Variants in TRDN observed in about 807,000 individuals in gnomAD.
TRDN encodes the protein triadin, also known as triadin in skeletal muscle.
In TRDN, 161 loss-of-function variants were observed where a neutral mutation model predicts 149.7. That is an observed-to-expected ratio of 1.08 (90% CI 0.95 to 1.23). The LOEUF (loss-of-function observed/expected upper bound fraction) is 1.23. TRDN is among the 50% of genes most tolerant of loss of function. The probability of loss-of-function intolerance (pLI) is 0.00; values close to 1 mark genes in which losing one functional copy is unlikely to be tolerated. For synonymous variants in TRDN, 294 were observed against 250.5 expected (o/e 1.17, Z -1.64); for missense variants, 896 against 823.5 (o/e 1.09, Z -1.08).
At chr6:123,535,892 C>A (rs1780503300) in intron 4 of TRDN, among the ~76,000 whole-genome samples, 1 of 151,960 alleles carries the variant, frequency 6.6e-6, no homozygotes, top group African/African-American at 2.4e-5. Context: ...AAAATGTAGA[C>A]ATAGATAAAA....
intron 2 of TRDN, among the ~76,000 whole-genome samples, chr6:123,557,561 A>T (rs2114480589): frequency 6.6e-6 from 1 of 152,090 alleles, no homozygotes; most frequent in Non-Finnish European, 1.5e-5. Flanking sequence ...GACGCATTTT[A>T]TCCATGAACC....
intron 18 of TRDN, among the ~76,000 whole-genome samples, chr6:123,377,084 T>C (rs1781537000): frequency 6.6e-6 from 1 of 152,194 alleles, no homozygotes; most frequent in Non-Finnish European, 1.5e-5. Context: ...ACTGCACTTT[T>C]AGTTTTTGTT....
chr6:123,370,538 T>C (rs531392090), intron 19 of TRDN, among the ~76,000 whole-genome samples: 1 of 152,278 alleles, frequency 6.6e-6, no homozygotes, highest in East Asian at 1.9e-4. Flanking sequence ...TAAATAATTC[T>C]GCTATGAACA....
chr6:123,424,565 T>C (rs1774038662), intron 12 of TRDN, among the ~76,000 whole-genome samples: 1 of 152,142 alleles, frequency 6.6e-6, no homozygotes, highest in South Asian at 2.1e-4. Context: ...GAAGCTAAAA[T>C]TCAGTTGCAA....
intron 24 of TRDN, among the ~76,000 whole-genome samples, chr6:123,280,652 C>T (rs200962641): frequency 1.3e-4 from 18 of 135,506 alleles, no homozygotes; most frequent in East Asian, 6.5e-4. Context: ...TCTTTTCTTT[C>T]TTTTTTTTTT....
At chr6:123,466,085 T>C (rs1776794047) in intron 9 of TRDN, among the ~76,000 whole-genome samples, 1 of 152,208 alleles carries the variant, frequency 6.6e-6, no homozygotes, top group African/African-American at 2.4e-5. Context: ...TGTTTAAGTA[T>C]GTATAGAAGC....
At chr6:123,286,206 A>G (rs559350697) in intron 24 of TRDN, among the ~76,000 whole-genome samples, 2 of 152,250 alleles carry the variant, frequency 1.3e-5, no homozygotes, top group African/African-American at 2.4e-5. Context: ...TTATTATACT[A>G]CAAGGATACT....
At chr6:123,318,424 G>A (rs1004284656) in intron 23 of TRDN, among the ~76,000 whole-genome samples, 3 of 151,938 alleles carry the variant, frequency 2.0e-5, no homozygotes, top group East Asian at 1.9e-4. Context: ...GTTAGTTTGC[G>A]GAACCTCATT....
At chr6:123,237,242 T>C (rs1040951435) in intron 38 of TRDN, among the ~76,000 whole-genome samples, 1 of 152,110 alleles carries the variant, frequency 6.6e-6, no homozygotes, top group Non-Finnish European at 1.5e-5. Flanking sequence ...GTATTAACTT[T>C]ATACCCTACT....
rs545755689 is a variant in TRDN at position 123,306,949 on chromosome 6, G to T, written c.1510+9508C>A. 7.2e-5 allele frequency among the ~76,000 whole-genome samples: 11 copies of T among 151,984 alleles called. No individual in the cohort carries two copies. In the South Asian group the frequency reaches 2.3e-3, roughly 32 times the overall value. ...TATGCTATGCTAAAAATAAATAATT[G>T]TTATACTGTTGCTCCAGTATTTAAA... is the stretch of plus-strand genomic sequence containing the variant. On this transcript the variant is annotated intron_variant, in intron 24 of 40. Coordinates refer to ENST00000334268, the MANE Select transcript of TRDN (RefSeq NM_006073.4).
intron 23 of TRDN, among the ~76,000 whole-genome samples, 159 bp downstream of exon 23, chr6:123,331,720 T>A (rs1316306031): frequency 6.6e-6 from 1 of 152,068 alleles, no homozygotes; most frequent in East Asian, 1.9e-4. Flanking sequence ...CAATTTAGAA[T>A]TTAATGATGG....
intron 4 of TRDN, among the ~76,000 whole-genome samples, chr6:123,534,495 C>A (rs774903441): frequency 7.0e-4 from 106 of 152,074 alleles, no homozygotes; most frequent in Non-Finnish European, 1.4e-3. Context: ...TACACTTTAG[C>A]CAGGAAATGA....
intron 24 of TRDN, among the ~76,000 whole-genome samples, chr6:123,311,154 G>A (rs1052014137): frequency 2.0e-5 from 3 of 151,928 alleles, no homozygotes; most frequent in Admixed American, 2.0e-4. Flanking sequence ...GAGACCTCAG[G>A]AAACTTACAA....
chr6:123,412,860 A>G (rs1306108572), intron 12 of TRDN, among the ~76,000 whole-genome samples: 2 of 152,118 alleles, frequency 1.3e-5, no homozygotes, highest in East Asian at 3.9e-4. Context: ...AAATCATAAG[A>G]AAAAAATAAA....
At chr6:123,473,808 G>C (rs1341268915) in intron 9 of TRDN, among the ~76,000 whole-genome samples, 1 of 152,012 alleles carries the variant, frequency 6.6e-6, no homozygotes, top group Non-Finnish European at 1.5e-5. Context: ...TTAAAGAAAA[G>C]AATTTTCAAC....
At chr6:123,448,761 AC>A (rs1158550768) in intron 10 of TRDN, among the ~76,000 whole-genome samples, 1 of 152,042 alleles carries the variant, frequency 6.6e-6, no homozygotes, top group Non-Finnish European at 1.5e-5. Context: ...CAGGAGGCCA[AC>A]CAGCACAATA....
chr6:123,558,211 A>T (rs1311436632), intron 2 of TRDN, among the ~76,000 whole-genome samples: 1 of 151,600 alleles, frequency 6.6e-6, no homozygotes, highest in Non-Finnish European at 1.5e-5. Context: ...CTCAGTCCCA[A>T]CCCCAAGCAT....
At chr6:123,309,135 A>G (rs761617846) in intron 24 of TRDN, among the ~76,000 whole-genome samples, 4 of 151,990 alleles carry the variant, frequency 2.6e-5, no homozygotes, top group Non-Finnish European at 4.4e-5. Context: ...TCTACATGCC[A>G]TTATGACTAA....
intron 5 of TRDN, among the ~76,000 whole-genome samples, chr6:123,527,359 A>T (rs1283474575): frequency 6.6e-6 from 1 of 151,982 alleles, no homozygotes; most frequent in Non-Finnish European, 1.5e-5. Context: ...GTTATTTATG[A>T]TTACAAAGGA....
Sources: allele counts gnomAD v4.1 joint callset (sites outside exome capture counted in the v4.1 genomes callset), GRCh38; gene constraint gnomAD v4.1.1; transcripts MANE v1.5; gene names NCBI Gene and HGNC (gene_info 2026-07-23, HGNC 2026-07-21).